Variants in ZFHX3 observed in about 807,000 individuals in gnomAD.
ZFHX3 encodes the protein zinc finger homeobox 3, also known as zinc finger homeobox protein 3.
In ZFHX3, 42 loss-of-function variants were observed where a neutral mutation model predicts 279.1. The ratio of observed to expected loss-of-function variants is 0.15; its 90% confidence interval spans 0.12 to 0.19. The LOEUF is 0.19. ZFHX3 is among the 10% of genes least tolerant of loss of function. The pLI is 1.00. For missense variants in ZFHX3, 4,981 were observed against 4,754.0 expected, an observed-to-expected ratio of 1.05 and a Z score of -1.40; for synonymous variants, 2,293 against 1,957.8, an observed-to-expected ratio of 1.17 and a Z score of -4.52.
chr16:73,222,679 A>G (rs948306604), intron 5 of ZFHX3, among the ~76,000 whole-genome samples: 1 of 152,108 alleles, frequency 6.6e-6, no homozygotes, highest in Non-Finnish European at 1.5e-5. Context: ...GTCTCAATCA[A>G]AAGCCTAGCA....
chr16:73,235,334 G>A (rs953203628), intron 5 of ZFHX3, among the ~76,000 whole-genome samples: 4 of 152,208 alleles, frequency 2.6e-5, no homozygotes, highest in Non-Finnish European at 5.9e-5. Flanking sequence ...CTCCCAAAGT[G>A]CTGGGACTAC....
At chr16:73,738,963 G>C (rs2053631056) in intron 1 of ZFHX3, among the ~76,000 whole-genome samples, 1 of 151,594 alleles carries the variant, frequency 6.6e-6, no homozygotes, top group African/African-American at 2.4e-5. Context: ...TCCTCTGTGA[G>C]TCCAACTCCC....
chr16:73,638,916 C>G (rs1434799556), intron 2 of ZFHX3, among the ~76,000 whole-genome samples: 1 of 152,084 alleles, frequency 6.6e-6, no homozygotes, highest in Non-Finnish European at 1.5e-5. Context: ...TGGCTTTAAT[C>G]TTGATGAGAG....
At chr16:73,265,720 CA>C (rs756576005) in intron 4 of ZFHX3, among the ~76,000 whole-genome samples, 5 of 152,182 alleles carry the variant, frequency 3.3e-5, no homozygotes, top group Non-Finnish European at 7.3e-5. Flanking sequence ...GTCCTAAATG[CA>C]GATCACCTAC....
Position 72,794,779 on chromosome 16 carries a change from C to T in ZFHX3, c.7903G>A (p.Gly2635Arg), listed in dbSNP as rs770099662. 3.1e-6 allele frequency: 5 copies of T among 1,614,224 alleles called. No homozygotes were observed. Among genetic ancestry groups the T allele is most frequent in the Middle Eastern group, 1.6e-4 (1 of 6,062 alleles). ...CGCTTGTCTCTCTGAGGCTCTTCTC[C>T]TCCTGTCCCACTGTCGTTTTCGCCA... ...SPGENDSGTG[G>R]EEPQRDKRLR... is the part of the protein sequence containing the mutation. The change falls in exon 9 of 10, where the codon GGA (glycine) becomes AGA (arginine). Residue 2635 changes from glycine to arginine, a missense_variant. Coordinates refer to ENST00000268489, the MANE Select transcript of ZFHX3 (RefSeq NM_006885.4). This position sits in a 1 kb window ranked among gnomAD's most constrained non-coding sequence, Gnocchi z 4.2.
intron 2 of ZFHX3, among the ~76,000 whole-genome samples, chr16:73,575,427 A>G (rs2051789808): frequency 6.6e-6 from 1 of 152,172 alleles, no homozygotes; most frequent in Non-Finnish European, 1.5e-5. Flanking sequence ...TTGATTCATT[A>G]CACAACACAG....
chr16:73,261,657 T>G (rs1567433505), intron 4 of ZFHX3, among the ~76,000 whole-genome samples: 1 of 147,170 alleles, frequency 6.8e-6, no homozygotes, highest in African/African-American at 2.5e-5. Context: ...AATATAAACA[T>G]TCCTGTGATT....
intron 5 of ZFHX3, among the ~76,000 whole-genome samples, chr16:73,168,103 A>G (rs1478626899): frequency 6.6e-6 from 1 of 152,188 alleles, no homozygotes; most frequent in East Asian, 1.9e-4. Flanking sequence ...AGTGAGATGT[A>G]GAGCTACTTC....
chr16:73,194,451 T>G (rs1380177520), intron 5 of ZFHX3, among the ~76,000 whole-genome samples: 1 of 152,164 alleles, frequency 6.6e-6, no homozygotes, highest in East Asian at 1.9e-4. Flanking sequence ...CCTCCCACCT[T>G]GGCCTCCCAA....
chr16:73,157,089 C>T (rs1487107661), intron 5 of ZFHX3, among the ~76,000 whole-genome samples: 2 of 151,956 alleles, frequency 1.3e-5, no homozygotes, highest in Non-Finnish European at 2.9e-5. Context: ...GTTTCTAAAG[C>T]GCACTCAGAT....
chr16:72,840,294 G>A (rs1484888727), intron 4 of ZFHX3, among the ~76,000 whole-genome samples: 1 of 152,176 alleles, frequency 6.6e-6, no homozygotes, highest in Non-Finnish European at 1.5e-5. Context: ...AAATGATGGT[G>A]ATTAGAACCT....
At chr16:72,976,121 CAT>C (rs1406773566) in intron 1 of ZFHX3, among the ~76,000 whole-genome samples, 1 of 152,198 alleles carries the variant, frequency 6.6e-6, no homozygotes, top group Admixed American at 6.5e-5. Flanking sequence ...AACACACAAA[CAT>C]ATGAAAAATG....
intron 2 of ZFHX3, among the ~76,000 whole-genome samples, chr16:73,475,978 A>C (rs1332146317): frequency 6.6e-6 from 1 of 152,176 alleles, no homozygotes; most frequent in Non-Finnish European, 1.5e-5. Context: ...AAATATCAAA[A>C]GATTCTTCCC....
chr16:72,783,146 C>T lies in ZFHX3; in HGVS notation c.*4018G>A, dbSNP rs1372630823. On this transcript the variant is annotated 3_prime_UTR_variant, in exon 10 of 10. Coordinates refer to ENST00000268489, the MANE Select transcript of ZFHX3 (RefSeq NM_006885.4). ...CTACATTATAGAAAAACACCAAGAA[C>T]ATCATTTTTGGTTTCACTTGCTCTA... The T allele has an allele frequency of 1.3e-5, 2 of 152,422 alleles. No individual in the cohort carries two copies. Among genetic ancestry groups the T allele is most frequent in the Non-Finnish European group, 2.9e-5 (2 of 67,996 alleles). 9.4% of individuals were successfully genotyped at this position (152,422 alleles called of 1,614,324 possible).
At chr16:72,992,744 C>T (rs1963140230) in intron 1 of ZFHX3, among the ~76,000 whole-genome samples, 1 of 152,188 alleles carries the variant, frequency 6.6e-6, no homozygotes, top group African/African-American at 2.4e-5. Context: ...TGGAACAGCC[C>T]ATTCAGAAAG....
intron 1 of ZFHX3, among the ~76,000 whole-genome samples, chr16:73,012,023 C>T (rs1963936111): frequency 6.6e-6 from 1 of 152,124 alleles, no homozygotes; most frequent in Admixed American, 6.6e-5. Flanking sequence ...ATGCTATTAG[C>T]TCATCAAGCA....
chr16:73,458,849 T>A (rs1189429687), intron 2 of ZFHX3, among the ~76,000 whole-genome samples: 2 of 152,242 alleles, frequency 1.3e-5, no homozygotes, highest in Non-Finnish European at 2.9e-5. Flanking sequence ...TTTTAACATA[T>A]CTGTAAGTCT....
intron 5 of ZFHX3, among the ~76,000 whole-genome samples, chr16:73,181,694 T>C (rs1967799354): frequency 6.6e-6 from 1 of 152,200 alleles, no homozygotes; most frequent in Non-Finnish European, 1.5e-5. Flanking sequence ...AAATGAGCTT[T>C]AATGATTGGG....
intron 4 of ZFHX3, among the ~76,000 whole-genome samples, chr16:73,279,972 G>A (rs80109949): frequency 6.6e-6 from 1 of 152,176 alleles, no homozygotes; most frequent in Non-Finnish European, 1.5e-5. Flanking sequence ...CTCATGTATA[G>A]ATGGTCAACT....
Sources: allele counts gnomAD v4.1 joint callset (sites outside exome capture counted in the v4.1 genomes callset), GRCh38; gene constraint gnomAD v4.1.1; non-coding constraint Gnocchi (gnomAD v3.1); transcripts MANE v1.5; gene names NCBI Gene and HGNC (gene_info 2026-07-23, HGNC 2026-07-21).